Variants in SPTA1 observed in about 807,000 individuals in gnomAD.
SPTA1 encodes spectrin alpha, erythrocytic 1, also known as spectrin alpha chain, erythrocytic 1.
SPTA1 carries 177 observed loss-of-function variants against 324.7 expected under a neutral mutation model. That is an observed-to-expected ratio of 0.55 (90% CI 0.48 to 0.62). SPTA1 has a LOEUF of 0.62. SPTA1 is among the 20% of genes least tolerant of loss of function. SPTA1 has a pLI of 0.00. For synonymous variants in SPTA1, 1,195 were observed against 1,041.3 expected (o/e 1.15, Z -2.84); for missense variants, 3,162 against 2,883.6 (o/e 1.10, Z -2.21).
Position 158,641,636 on chromosome 1 carries a change from T to C in SPTA1, c.4737+775A>G, listed in dbSNP as rs1397198895. On this transcript the variant is annotated intron_variant, in intron 33 of 51. Transcript: ENST00000643759. ...TACCATCTCACACCAGTTAGAATGGTGATCATTAAAAAGTCAGGAAACAAC... is the reference window on the plus strand; with the variant it reads ...TACCATCTCACACCAGTTAGAATGGCGATCATTAAAAAGTCAGGAAACAAC... Among the ~76,000 whole-genome samples, 11 of 152,142 alleles carry C rather than the reference T, an allele frequency of 7.2e-5. No individual in the cohort carries two copies. The East Asian group carries it at 1.7e-3, about 24-fold the overall frequency.
In SPTA1 at chr1:158,669,723, C is replaced by T. The variant is rs778169042; in HGVS notation, c.1663G>A (p.Ala555Thr). Residue 555 changes from alanine to threonine, a missense_variant, in exon 13 of 52, where the codon GCT becomes ACT. Physicochemically the swap from Ala to Thr is moderately conservative, Grantham distance 58. Coordinates refer to ENST00000643759, the MANE Select transcript of SPTA1 (RefSeq NM_003126.4). ...CTTGGACATACCCCGTCACGGATAG[C>T]CTTGATGTTCTCTGAATCATAATGG... ...DDHYDSENIK[A>T]IRDGLLARRD... is the part of the protein sequence containing the mutation. 1 of 1,614,060 alleles carries T rather than the reference C, an allele frequency of 6.2e-7. No homozygotes were observed. The highest frequency in any genetic ancestry group is 1.7e-5 in the Admixed American group (1 of 60,004).
chr1:158,648,055 G>A (rs1332439735), intron 26 of SPTA1, among the ~76,000 whole-genome samples: 1 of 152,158 alleles, frequency 6.6e-6, no homozygotes, highest in Non-Finnish European at 1.5e-5. Context: ...ATAATGCCAA[G>A]CCTCTGAGTA....
chr1:158,674,799 C>T, intron 8 of SPTA1, 124 bp from the exon 9 acceptor site: 1 of 1,323,080 alleles, frequency 7.6e-7, no homozygotes, highest in Non-Finnish European at 1.1e-6. Context: ...CCTAGGTTCC[C>T]TTTTTCCTGA....
intron 39 of SPTA1, among the ~76,000 whole-genome samples, chr1:158,631,870 T>A (rs1007034012): frequency 3.9e-5 from 6 of 152,190 alleles, no homozygotes; most frequent in Non-Finnish European, 2.9e-5. Context: ...ACAGCTGTTA[T>A]GGAAAACAAC....
intron 7 of SPTA1, 56 bp downstream of exon 7, chr1:158,677,634 T>G: frequency 6.2e-7 from 1 of 1,603,838 alleles, no homozygotes; most frequent in Non-Finnish European, 8.5e-7. Context: ...GGCAAGATAA[T>G]CAACAATTGC....
At position 158,653,518 on chromosome 1, in the gene SPTA1, A is replaced by T. The variant is rs1652614557; in HGVS notation, c.3037-93T>A. 10 of 1,551,964 alleles carry T rather than the reference A, an allele frequency of 6.4e-6. 1 individual carries two copies. Among genetic ancestry groups the T allele is most frequent in the Non-Finnish European group, 8.8e-6 (10 of 1,137,684 alleles). On this transcript the variant is annotated intron_variant, in intron 21 of 51. Coordinates refer to ENST00000643759, the MANE Select transcript of SPTA1 (RefSeq NM_003126.4). ...ACACTAAGTCTCTTGGCCCAGGCAC[A>T]GGTTAATGGCAAAGATAAGCTAACC...
At chr1:158,614,637 A>T (rs1220707027) in intron 48 of SPTA1, 1 of 244,120 alleles carries the variant, frequency 4.1e-6, no homozygotes, top group African/African-American at 2.2e-5. Flanking sequence ...CACTTATCAT[A>T]GCTGCTTTTT....
chr1:158,661,196 A>G (rs1653180181), intron 18 of SPTA1, 91 bp downstream of exon 18: 3 of 1,593,632 alleles, frequency 1.9e-6, no homozygotes, highest in Non-Finnish European at 2.6e-6. Context: ...AGATATTTTT[A>G]AATTCCCTTG....
intron 42 of SPTA1, among the ~76,000 whole-genome samples, 178 bp from the exon 43 acceptor site, chr1:158,623,370 A>C (rs987947178): frequency 1.3e-5 from 2 of 152,234 alleles, no homozygotes; most frequent in Non-Finnish European, 1.5e-5. Flanking sequence ...GCTCCAGTTT[A>C]TGTATATTTT....
Position 158,639,887 on chromosome 1 carries a change from C to T in SPTA1, c.4858G>A (p.Glu1620Lys). 6.2e-7 allele frequency: 1 copy of T among 1,613,964 alleles called. No homozygotes were observed. Among genetic ancestry groups the T allele is most frequent in the South Asian group, 1.1e-5 (1 of 91,072 alleles). The change falls in exon 34 of 52, where the codon GAG becomes AAG. Residue 1620 changes from glutamate to lysine, a missense_variant. Transcript: ENST00000643759. ...QRFNTSIRDFEFWLSEAETLL... is the reference protein window; with the variant it reads ...QRFNTSIRDFKFWLSEAETLL... ...GCAATTACCTCTGAGAGCCAGAACT[C>T]AAAGTCCCGGATGCTTGTGTTGAAC...
intron 7 of SPTA1, among the ~76,000 whole-genome samples, chr1:158,676,709 C>T (rs1435534075): frequency 6.6e-6 from 1 of 152,046 alleles, no homozygotes; most frequent in African/African-American, 2.4e-5. Flanking sequence ...CTGTGGGAGG[C>T]AGAAAGACAT....
intron 11 of SPTA1, 136 bp downstream of exon 11, chr1:158,671,923 C>T: frequency 8.9e-7 from 1 of 1,123,932 alleles, no homozygotes; most frequent in Non-Finnish European, 1.3e-6. Context: ...TTTTCTTTTT[C>T]TTGTGGATCA....
chr1:158,626,369 C>A, intron 41 of SPTA1, 147 bp from the exon 42 acceptor site: 1 of 797,700 alleles, frequency 1.3e-6, no homozygotes, highest in Non-Finnish European at 2.1e-6. Context: ...GCAGTGGGAC[C>A]AATGGATCGT....
At chr1:158,667,353 T>C (rs970953688) in intron 15 of SPTA1, among the ~76,000 whole-genome samples, 10 of 152,358 alleles carry the variant, frequency 6.6e-5, no homozygotes, top group African/African-American at 2.2e-4. Context: ...GAGATTGTTT[T>C]AAGATCTTAT....
intron 16 of SPTA1, among the ~76,000 whole-genome samples, chr1:158,663,598 C>G (rs985192644): frequency 6.6e-6 from 1 of 152,120 alleles, no homozygotes; most frequent in South Asian, 2.1e-4. Context: ...AATAGGTACA[C>G]TACATTTTTA....
Position 158,680,707 on chromosome 1 carries a change from T to C in SPTA1, c.554A>G (p.Glu185Gly), listed in dbSNP as rs779907974. 6 of 1,613,656 alleles carry C rather than the reference T, an allele frequency of 3.7e-6. No homozygotes were observed. The Admixed American group carries it at 6.7e-5, about 18-fold the overall frequency. ...GDKEAIATSV[E>G]LGEDWERTEV... ...GGTGCGCTCCCAGTCTTCACCTAGC[T>C]CCACTGATGTCGCTATAGCCTCCTG... The change falls in exon 5 of 52, where the codon GAG becomes GGG. Residue 185 changes from glutamate (E) to glycine (G), a missense_variant. Glu to Gly is a moderately conservative substitution (Grantham distance 98, BLOSUM62 -2). Transcript: ENST00000643759.
rs1236205504 is a variant in SPTA1 at position 158,677,744 on chromosome 1, T to C, written c.903A>G (p.Gly301=). 3.1e-6 allele frequency: 5 copies of C among 1,613,710 alleles called. No homozygotes were observed. Among genetic ancestry groups the C allele is most frequent in the Non-Finnish European group, 4.2e-6 (5 of 1,179,762 alleles). The part of the protein sequence containing the change: ...DYGKDLVASE[G]LFHSHKGLER... ...CAAGTCCCTTGTGACTGTGAAACAG[T>C]CCTTCAGAGGCAACAAGGTCTTTGC... The change falls in exon 7 of 52, where the codon GGA becomes GGG. Residue 301 remains glycine (G), a synonymous_variant. Coordinates refer to ENST00000643759, the MANE Select transcript of SPTA1 (RefSeq NM_003126.4).
intron 20 of SPTA1, 123 bp downstream of exon 20, chr1:158,656,441 G>T (rs973546686): frequency 2.3e-6 from 2 of 878,540 alleles, no homozygotes; most frequent in Non-Finnish European, 3.8e-6. Flanking sequence ...AAGGGTCATA[G>T]AACTTAGTGT....
At chr1:158,642,585 A>T in intron 32 of SPTA1, 43 bp from the exon 33 acceptor site, 2 of 1,610,224 alleles carry the variant, frequency 1.2e-6, no homozygotes, top group Non-Finnish European at 1.7e-6. Context: ...CTTTTTATTT[A>T]TGGTGACAAG....
Sources: gnomAD v4.1 joint callset for allele counts (sites outside exome capture counted in the v4.1 genomes callset) on GRCh38, gnomAD v4.1.1 for gene constraint, MANE v1.5 for transcripts, NCBI Gene and HGNC (gene_info 2026-07-23, HGNC 2026-07-21) for gene names.